Variants in USP42 observed in about 807,000 individuals in gnomAD.
USP42 encodes the protein ubiquitin carboxyl-terminal hydrolase 42.
USP42 carries 23 observed loss-of-function variants against 113.0 expected under a neutral mutation model. That is an observed-to-expected ratio of 0.20 (90% confidence interval 0.15 to 0.29). USP42 has a LOEUF of 0.29. Ranked by LOEUF, USP42 falls within the 10% of genes least tolerant of loss-of-function variation. The pLI is 1.00. For synonymous variants in USP42, 933 were observed against 699.0 expected (o/e 1.33, Z -5.28); for missense variants, 2,174 against 1,779.8 (o/e 1.22, Z -3.99).
chr7:6,091,991 T>TTCC, the USP42 span, among the ~76,000 whole-genome samples: 3 of 58,130 alleles, frequency 5.2e-5, no homozygotes, highest in African/African-American at 1.7e-4. Flanking sequence ...CTTCTTCTTC[T>TTCC]TCTTCTTCTT....
intron 3 of USP42, among the ~76,000 whole-genome samples, chr7:6,120,689 T>G (rs1013948739): frequency 6.6e-6 from 1 of 152,170 alleles, no homozygotes; most frequent in Admixed American, 6.5e-5. Context: ...GTTCAAGCAA[T>G]TCTTCTGCTT....
At chr7:6,155,796 G>T (rs117232835) in intron 15 of USP42, among the ~76,000 whole-genome samples, 18,574 of 152,144 alleles carry the variant, frequency 0.12, 1,252 homozygotes, top group African/African-American at 0.16. Context: ...CTGTCACCCA[G>T]GCTGGAGTGC....
chr7:6,124,210 T>TA (rs1192743284), intron 3 of USP42, among the ~76,000 whole-genome samples: 1 of 152,028 alleles, frequency 6.6e-6, no homozygotes, highest in Non-Finnish European at 1.5e-5. Flanking sequence ...GTTAGCATGA[T>TA]ATATTTTTTC....
In USP42 at chr7:6,157,345, C is replaced by T; in HGVS notation, c.3943+290C>T. ...GTACAGCTCTAGGCATCTGACTTTGCCTTGCAAAGGACCAGAACTCTTGGT... is the reference window on the plus strand; with the variant it reads ...GTACAGCTCTAGGCATCTGACTTTGTCTTGCAAAGGACCAGAACTCTTGGT... On this transcript the variant is annotated intron_variant, in intron 16 of 17. Coordinates refer to ENST00000306177, the MANE Select transcript of USP42 (RefSeq NM_032172.3). The surrounding 1 kb of genome is among the most constrained non-coding windows in gnomAD (Gnocchi z 4.1). The T allele has an allele frequency of 8.3e-6, 9 of 1,081,832 alleles. No individual in the cohort carries two copies. The highest frequency in any genetic ancestry group is 1.0e-5 in the Non-Finnish European group (9 of 892,742). The allele number at this position is 1,081,832 out of a possible 1,614,324, so 67.0% of individuals were successfully genotyped here.
chr7:6,157,177 G>A lies in USP42; in HGVS notation c.3943+122G>A. 7.0e-7 allele frequency: 1 copy of A among 1,438,538 alleles called. No individual in the cohort carries two copies. The highest frequency in any genetic ancestry group is 1.5e-5 in the South Asian group (1 of 66,682). 89.1% of individuals were successfully genotyped at this position (1,438,538 alleles called of 1,614,324 possible). A position where few individuals can be genotyped will look rare whatever the true frequency, so the allele number is the denominator to read the frequency against. On this transcript the variant is annotated intron_variant, in intron 16 of 17. Coordinates refer to ENST00000306177, the MANE Select transcript of USP42 (RefSeq NM_032172.3). The surrounding 1 kb of genome is among the most constrained non-coding windows in gnomAD (Gnocchi z 4.1). ...GCATCAAAGGGCACAGTTACTCAGA[G>A]CACCCCTGCCCTGCCTGGTCTGGCC... is the stretch of plus-strand genomic sequence containing the variant.
Position 6,155,008 on chromosome 7 carries a change from C to T in USP42, c.3454C>T (p.His1152Tyr). Residue 1152 changes from histidine to tyrosine, a missense_variant, in exon 15 of 18, where the codon CAC (histidine) becomes TAC (tyrosine). By Grantham distance (83) the His-to-Tyr change is moderately conservative. Coordinates refer to ENST00000306177, the MANE Select transcript of USP42 (RefSeq NM_032172.3). ...CAACTGTAACCTCTCTGATCGGTTT[C>T]ACGAACACGAAAATGGAAAGTCCCG... ...GDNCNLSDRF[H>Y]EHENGKSRKR... The T allele has an allele frequency of 1.9e-6, 3 of 1,564,622 alleles. No individual in the cohort carries two copies. The highest frequency in any genetic ancestry group is 1.4e-5 in the African/African-American group (1 of 73,754).
At chr7:6,085,417 G>T in the USP42 span, among the ~76,000 whole-genome samples, 1 of 150,622 alleles carries the variant, frequency 6.6e-6, no homozygotes, top group Non-Finnish European at 1.5e-5. Flanking sequence ...GGGCCACCGT[G>T]CCCGGCCACC....
chr7:6,144,098 G>T lies in USP42; in HGVS notation c.892G>T (p.Val298Phe). 6.4e-7 allele frequency: 1 copy of T among 1,567,122 alleles called. No homozygotes were observed. Among genetic ancestry groups the T allele is most frequent in the Non-Finnish European group, 8.6e-7 (1 of 1,164,280 alleles). ...SYKCSKCKKMVPASKRFTIHR... is the reference protein window; with the variant it reads ...SYKCSKCKKMFPASKRFTIHR... ...GTTTGTTTCAAGGTGTAAAAAGATGGTTCCAGCTTCAAAGAGGTTCACTAT... is the reference window on the plus strand; with the variant it reads ...GTTTGTTTCAAGGTGTAAAAAGATGTTTCCAGCTTCAAAGAGGTTCACTAT... Residue 298 changes from valine (V) to phenylalanine (F), a missense_variant, in exon 9 of 18, where the codon GTT (valine) becomes TTT (phenylalanine). Physicochemically the swap from Val to Phe is conservative, Grantham distance 50 (BLOSUM62 -1). Coordinates refer to ENST00000306177, the MANE Select transcript of USP42 (RefSeq NM_032172.3).
At chr7:6,134,584 C>G (rs1224688780) in intron 3 of USP42, among the ~76,000 whole-genome samples, 1 of 152,154 alleles carries the variant, frequency 6.6e-6, no homozygotes, top group Non-Finnish European at 1.5e-5. Flanking sequence ...TGACTCTTTG[C>G]TGGGAGGGGC....
In USP42 at chr7:6,154,999, G is replaced by C. The variant is rs1409198666; in HGVS notation, c.3445G>C (p.Asp1149His). ...AGCCGGAGACAACTGTAACCTCTCTGATCGGTTTCACGAACACGAAAATGG... is the reference window on the plus strand; with the variant it reads ...AGCCGGAGACAACTGTAACCTCTCTCATCGGTTTCACGAACACGAAAATGG... ...LVAGDNCNLS[D>H]RFHEHENGKS... The change falls in exon 15 of 18, where the codon GAT becomes CAT. Residue 1149 changes from aspartate (D) to histidine (H), a missense_variant. By Grantham distance (81) the Asp-to-His change is moderately conservative (BLOSUM62 -1). Coordinates refer to ENST00000306177, the MANE Select transcript of USP42 (RefSeq NM_032172.3). 4.5e-6 allele frequency: 7 copies of C among 1,564,656 alleles called. No individual in the cohort carries two copies. Among genetic ancestry groups the C allele is most frequent in the Non-Finnish European group, 6.1e-6 (7 of 1,154,272 alleles).
Position 6,153,869 on chromosome 7 carries a change from C to T in USP42, c.2315C>T (p.Thr772Ile), listed in dbSNP as rs1440576754. 3 of 1,559,388 alleles carry T rather than the reference C, an allele frequency of 1.9e-6. 1 individual carries two copies. Among genetic ancestry groups the T allele is most frequent in the South Asian group, 2.3e-5 (2 of 85,260 alleles). The change falls in exon 15 of 18, where the codon ACC (threonine) becomes ATC (isoleucine). Residue 772 changes from threonine (T) to isoleucine (I), a missense_variant. Coordinates refer to ENST00000306177, the MANE Select transcript of USP42 (RefSeq NM_032172.3). ...EPDAAAGLSS[T>I]KKAPPPRDPG... The stretch of plus-strand genomic sequence containing the variant: ...GATGCGGCCGCCGGCCTCAGCAGCA[C>T]CAAGAAGGCTCCGCCGCCCCGCGAT...
chr7:6,119,392 G>C (rs1780089979), intron 3 of USP42, among the ~76,000 whole-genome samples: 1 of 152,152 alleles, frequency 6.6e-6, no homozygotes. Context: ...GCTCGCTTCA[G>C]CTCAGGAGGT....
chr7:6,103,335 G>C (rs1372263300), upstream of USP42, among the ~76,000 whole-genome samples: 1 of 150,712 alleles, frequency 6.6e-6, no homozygotes, highest in East Asian at 1.9e-4. Flanking sequence ...TCAGGAGTTC[G>C]AGACCAGCCT....
At chr7:6,132,321 C>G (rs1380505425) in intron 3 of USP42, among the ~76,000 whole-genome samples, 1 of 152,086 alleles carries the variant, frequency 6.6e-6, no homozygotes, top group Non-Finnish European at 1.5e-5. Flanking sequence ...ACCTTTGTTC[C>G]TATATACATA....
intron 3 of USP42, among the ~76,000 whole-genome samples, chr7:6,125,870 A>G (rs1780515936): frequency 6.6e-6 from 1 of 151,266 alleles, no homozygotes; most frequent in South Asian, 2.1e-4. Flanking sequence ...TAAAAAACTC[A>G]ACTTTTTATT....
chr7:6,155,268 G>C lies in USP42; in HGVS notation c.3641+73G>C, dbSNP rs1243378297. The C allele has an allele frequency of 3.5e-6, 5 of 1,447,582 alleles. No homozygotes were observed. The East Asian group carries it at 1.2e-4, about 36-fold the overall frequency. The allele number at this position is 1,447,582 out of a possible 1,614,324, so 89.7% of individuals were successfully genotyped here. On this transcript the variant is annotated intron_variant, in intron 15 of 17. Transcript: ENST00000306177. ...CAGTGGGGCCTGTCCCTTCTCACTC[G>C]ACTCAGGAACAAGTGACCAGCCAGG...
intron 3 of USP42, among the ~76,000 whole-genome samples, chr7:6,115,727 G>T (rs1312376481): frequency 6.6e-6 from 1 of 152,106 alleles, no homozygotes; most frequent in African/African-American, 2.4e-5. Context: ...ACCTGTGAAG[G>T]TATTTAAAAA....
chr7:6,157,685 T>C lies in USP42; in HGVS notation c.3943+630T>C, dbSNP rs965477848. Among the ~76,000 whole-genome samples, 1 of 152,230 alleles carries C rather than the reference T, an allele frequency of 6.6e-6. No individual in the cohort carries two copies. Among genetic ancestry groups the C allele is most frequent in the Non-Finnish European group, 1.5e-5 (1 of 68,034 alleles). Reference sequence around the variant, plus strand: ...GCAGCGTATACGTTACTCTCCCGAATCCTTAAACCTGTAGCATTCTGAGTG... The same window carrying C: ...GCAGCGTATACGTTACTCTCCCGAACCCTTAAACCTGTAGCATTCTGAGTG... On this transcript the variant is annotated intron_variant, in intron 16 of 17. Coordinates refer to ENST00000306177, the MANE Select transcript of USP42 (RefSeq NM_032172.3). This position sits in a 1 kb window ranked among gnomAD's most constrained non-coding sequence, Gnocchi z 4.1.
At chr7:6,126,886 C>T (rs778667661) in intron 3 of USP42, among the ~76,000 whole-genome samples, 10 of 152,170 alleles carry the variant, frequency 6.6e-5, no homozygotes, top group Non-Finnish European at 1.0e-4. Context: ...GATAAATGCC[C>T]AGGACTGCAA....
Sources: gnomAD v4.1 joint callset for allele counts (sites outside exome capture counted in the v4.1 genomes callset) on GRCh38, gnomAD v4.1.1 for gene constraint, Gnocchi (gnomAD v3.1) non-coding constraint, MANE v1.5 for transcripts, NCBI Gene and HGNC (gene_info 2026-07-23, HGNC 2026-07-21) for gene names.